Variants in AGTR1 observed in about 807,000 individuals in gnomAD.
AGTR1 encodes angiotensin II receptor type 1, also known as type-1 angiotensin II receptor.
A neutral mutation model predicts 19.4 loss-of-function variants in AGTR1; 16 were observed. That is an observed-to-expected ratio of 0.82 (90% CI 0.56 to 1.25). AGTR1 has a LOEUF of 1.25. Among genes scored for constraint, AGTR1 ranks in the 50% most tolerant of loss-of-function variants. The pLI is 0.00. For missense variants in AGTR1, 373 were observed against 431.9 expected, an observed-to-expected ratio of 0.86 and a Z score of 1.21; for synonymous variants, 153 against 154.9, an observed-to-expected ratio of 0.99 and a Z score of 0.09.
chr3:148,742,884 T>TA lies in AGTR1; in HGVS notation c.*776dup, dbSNP rs975580623. 1 of 166,908 alleles carries TA rather than the reference T, an allele frequency of 6.0e-6. No homozygotes were observed. The highest frequency in any genetic ancestry group is 1.5e-5 in the Non-Finnish European group (1 of 68,134). The allele number at this position is 166,908 out of a possible 1,614,324, so 10.3% of individuals were successfully genotyped here. A position where few individuals can be genotyped will look rare whatever the true frequency, so the allele number is the denominator to read the frequency against. ...ATATCATAAAGTATGCCTTCCTGTT[T>TA]AAAAAAAGTATATATTCTACACATA... On this transcript the variant is annotated 3_prime_UTR_variant, in exon 3 of 3. Transcript: ENST00000349243.
chr3:148,718,000 T>A (rs1559926101), intron 2 of AGTR1, among the ~76,000 whole-genome samples: 1 of 152,198 alleles, frequency 6.6e-6, no homozygotes, highest in Non-Finnish European at 1.5e-5. Flanking sequence ...TATTAGCCTT[T>A]GAAATGAACC....
chr3:148,710,262 A>T (rs1712906019), intron 2 of AGTR1, among the ~76,000 whole-genome samples: 2 of 152,202 alleles, frequency 1.3e-5, no homozygotes, highest in African/African-American at 4.8e-5. Flanking sequence ...GTGTTAGATT[A>T]TCTGATATAC....
intron 1 of AGTR1, among the ~76,000 whole-genome samples, chr3:148,699,502 A>G (rs368148087): frequency 2.6e-5 from 4 of 151,880 alleles, no homozygotes; most frequent in African/African-American, 9.7e-5. Context: ...CTTCCTCTCC[A>G]CCACCCTTCC....
rs1276660350 is a variant in AGTR1, at chr3:148,738,789, T to A, written c.-47-2200T>A. Among the ~76,000 whole-genome samples, 7 of 152,254 alleles carry A rather than the reference T, an allele frequency of 4.6e-5. No homozygotes were observed. In the East Asian group the frequency reaches 1.3e-3, roughly 29 times the overall value. On this transcript the variant is annotated intron_variant, in intron 2 of 2. Coordinates refer to ENST00000349243, the MANE Select transcript of AGTR1 (RefSeq NM_000685.5). ...AGGTGAGGCCCAAGTTGACACTGAG[T>A]ATTCTCTGTGAAACTCTGCAAGGAG...
At chr3:148,710,660 T>C (rs1192565422) in intron 2 of AGTR1, among the ~76,000 whole-genome samples, 1 of 152,212 alleles carries the variant, frequency 6.6e-6, no homozygotes, top group Non-Finnish European at 1.5e-5. Flanking sequence ...AGAATACTTC[T>C]TATTTTATTT....
At chr3:148,705,161 C>T (rs1712595997) in intron 1 of AGTR1, among the ~76,000 whole-genome samples, 1 of 152,110 alleles carries the variant, frequency 6.6e-6, no homozygotes, top group South Asian at 2.1e-4. Context: ...TGGCTGAATG[C>T]AATCTGCACA....
chr3:148,730,030 C>T, intron 2 of AGTR1: 1 of 383,134 alleles, frequency 2.6e-6, no homozygotes, highest in Non-Finnish European at 4.6e-6. Context: ...ATAACACCAA[C>T]AAAAGTTCCA....
intron 2 of AGTR1, among the ~76,000 whole-genome samples, chr3:148,709,165 G>A (rs1415310296): frequency 8.4e-6 from 1 of 118,876 alleles, no homozygotes; most frequent in Non-Finnish European, 1.6e-5. Context: ...TTGGGAATCT[G>A]GACTGTGCAG....
chr3:148,702,098 C>T (rs577647199), intron 1 of AGTR1, among the ~76,000 whole-genome samples: 2 of 151,906 alleles, frequency 1.3e-5, no homozygotes, highest in Non-Finnish European at 2.9e-5. Flanking sequence ...CTGCCTCAGC[C>T]TCCTTAGTAG....
At chr3:148,709,479 T>C (rs932081312) in intron 2 of AGTR1, among the ~76,000 whole-genome samples, 1 of 152,148 alleles carries the variant, frequency 6.6e-6, no homozygotes, top group African/African-American at 2.4e-5. Context: ...TAACAAAACA[T>C]GGAAGAAAAC....
intron 2 of AGTR1, among the ~76,000 whole-genome samples, chr3:148,720,932 ACAAATG>A (rs1713597577): frequency 6.6e-6 from 1 of 152,220 alleles, no homozygotes; most frequent in African/African-American, 2.4e-5. Flanking sequence ...GTAAATAAGA[ACAAATG>A]AGATTTTTAT....
At chr3:148,732,763 C>G (rs1408346136) in intron 2 of AGTR1, among the ~76,000 whole-genome samples, 1 of 99,102 alleles carries the variant, frequency 1.0e-5, no homozygotes, top group Non-Finnish European at 1.8e-5. Flanking sequence ...TTTTTTGAGA[C>G]GGAGTCTCGC....
Position 148,741,375 on chromosome 3 carries a change from G to A in AGTR1, c.340G>A (p.Ala114Thr), listed in dbSNP as rs140542820. The A allele has an allele frequency of 1.3e-4, 207 of 1,604,024 alleles. No individual in the cohort carries two copies. The highest frequency in any genetic ancestry group is 1.7e-4 in the Non-Finnish European group (198 of 1,178,764). The change falls in exon 3 of 3, where the codon GCT becomes ACT. Residue 114 changes from alanine to threonine, a missense_variant. By Grantham distance (58) the Ala-to-Thr change is moderately conservative (BLOSUM62 0). Coordinates refer to ENST00000349243, the MANE Select transcript of AGTR1 (RefSeq NM_000685.5). ...AGCCAGCGTCAGTTTCAACCTGTAC[G>A]CTAGTGTGTTTCTACTCACGTGTCT... ...ASASVSFNLYASVFLLTCLSI... is the reference protein window; with the variant it reads ...ASASVSFNLYTSVFLLTCLSI...
intron 2 of AGTR1, among the ~76,000 whole-genome samples, chr3:148,729,470 T>G (rs1178170770): frequency 2.0e-5 from 3 of 152,234 alleles, no homozygotes; most frequent in Non-Finnish European, 4.4e-5. Context: ...AGTTCGTTTT[T>G]AACTTCTGCT....
At chr3:148,700,266 C>G (rs1712260592) in intron 1 of AGTR1, among the ~76,000 whole-genome samples, 1 of 152,036 alleles carries the variant, frequency 6.6e-6, no homozygotes, top group Non-Finnish European at 1.5e-5. Flanking sequence ...TAATTTTCCC[C>G]TATGCTAGAG....
At chr3:148,707,575 A>G (rs926654135) in intron 1 of AGTR1, among the ~76,000 whole-genome samples, 7 of 151,170 alleles carry the variant, frequency 4.6e-5, no homozygotes, top group Non-Finnish European at 8.8e-5. Context: ...TAGATTCACA[A>G]GTAAAAATCC....
At chr3:148,699,022 A>T (rs557722207) in intron 1 of AGTR1, among the ~76,000 whole-genome samples, 25 of 151,524 alleles carry the variant, frequency 1.6e-4, no homozygotes, top group African/African-American at 5.1e-4. Flanking sequence ...TGACCTGGCT[A>T]TTGAGCCCAC....
Position 148,740,980 on chromosome 3 carries a change from T to A in AGTR1, c.-47-9T>A. 1 of 1,597,002 alleles carries A rather than the reference T, an allele frequency of 6.3e-7. No individual in the cohort carries two copies. Among genetic ancestry groups the A allele is most frequent in the East Asian group, 2.2e-5 (1 of 44,828 alleles). On this transcript the variant is annotated splice_polypyrimidine_tract_variant and intron_variant, in intron 2 of 2. Coordinates refer to ENST00000349243, the MANE Select transcript of AGTR1 (RefSeq NM_000685.5). ...TTTTTCTTTACCATTTTATTTTTATTTTCCCCAGGTGTATTTGATATAGTG... is the reference window on the plus strand; with the variant it reads ...TTTTTCTTTACCATTTTATTTTTATATTCCCCAGGTGTATTTGATATAGTG...
chr3:148,699,296 G>A (rs1458476804), intron 1 of AGTR1, among the ~76,000 whole-genome samples: 3 of 152,144 alleles, frequency 2.0e-5, no homozygotes, highest in African/African-American at 7.2e-5. Context: ...CTTATTATTA[G>A]TTACCACCTG....
Sources: allele counts gnomAD v4.1 joint callset (sites outside exome capture counted in the v4.1 genomes callset), GRCh38; gene constraint gnomAD v4.1.1; transcripts MANE v1.5; gene names NCBI Gene and HGNC (gene_info 2026-07-23, HGNC 2026-07-21).